The following PRPSAP2 variants were observed in gnomAD, a reference collection of about 807,000 sequenced individuals.
The protein encoded by PRPSAP2 is phosphoribosyl pyrophosphate synthetase associated protein 2, also known as phosphoribosyl pyrophosphate synthase-associated protein 2.
Under a neutral mutation model 40.6 loss-of-function variants are expected in PRPSAP2, and 24 were observed. The observed-to-expected ratio is 0.59, with a 90% confidence interval of 0.43 to 0.83. The LOEUF (loss-of-function observed/expected upper bound fraction) is 0.83. PRPSAP2 is among the 40% of genes least tolerant of loss of function. PRPSAP2 has a pLI of 0.00. For synonymous variants in PRPSAP2, 149 were observed against 164.7 expected, an observed-to-expected ratio of 0.90 and a Z score of 0.73; for missense variants, 292 against 465.6, an observed-to-expected ratio of 0.63 and a Z score of 3.43.
At chr17:18,873,921 A>G (rs745468775) in intron 5 of PRPSAP2, among the ~76,000 whole-genome samples, 5 of 151,062 alleles carry the variant, frequency 3.3e-5, no homozygotes, top group Non-Finnish European at 5.9e-5. Context: ...TCTTTTTTCT[A>G]AGAGGTAGAG....
At chr17:18,876,869 G>A (rs1411944443) in intron 5 of PRPSAP2, among the ~76,000 whole-genome samples, 1 of 152,214 alleles carries the variant, frequency 6.6e-6, no homozygotes, top group Non-Finnish European at 1.5e-5. Flanking sequence ...GGTGTGAGCT[G>A]CTGTGGGAGG....
rs1201159228 is a variant in PRPSAP2, at chr17:18,894,479, C to CTTTTTTTTTT, written c.584+4611_584+4620dup. On this transcript the variant is annotated intron_variant, in intron 8 of 11. Transcript: ENST00000268835. ...CGGCCCTCTGTAGCTTTTCAATAGTCTTTTTTTTTTTTTTTTTTGAGACAG... is the reference window on the plus strand; with the variant it reads ...CGGCCCTCTGTAGCTTTTCAATAGTCTTTTTTTTTTTTTTTTTTTTTTTTTTTTGAGACAG... 6.5e-3 allele frequency among the ~76,000 whole-genome samples: 779 copies of CTTTTTTTTTT among 120,524 alleles called. 53 individuals carry two copies. Among genetic ancestry groups the CTTTTTTTTTT allele is most frequent in the African/African-American group, 0.023 (700 of 30,598 alleles). The allele number at this position is 120,524 out of a possible 152,430, so 79.1% of individuals were successfully genotyped here. A position where few individuals can be genotyped will look rare whatever the true frequency, so the allele number is the denominator to read the frequency against.
At chr17:18,887,726 A>C (rs2039266315) in intron 7 of PRPSAP2, among the ~76,000 whole-genome samples, 1 of 151,920 alleles carries the variant, frequency 6.6e-6, no homozygotes, top group Admixed American at 6.6e-5. Context: ...TTTGTTCTTA[A>C]AGTTGTGTTT....
At chr17:18,902,574 A>T (rs7223173) in intron 8 of PRPSAP2, among the ~76,000 whole-genome samples, 1 of 151,766 alleles carries the variant, frequency 6.6e-6, no homozygotes, top group South Asian at 2.1e-4. Context: ...GTGTTGGCCA[A>T]ATATGATTGA....
At position 18,866,772 on chromosome 17, in the gene PRPSAP2, A is replaced by T. The variant is rs1369573096; in HGVS notation, c.120-510A>T. On this transcript the variant is annotated intron_variant, in intron 3 of 11. Coordinates refer to ENST00000268835, the MANE Select transcript of PRPSAP2 (RefSeq NM_002767.4). ...CAAACAGAAATCAAGTCAACAAAAC[A>T]AACAAGGTAATTTCAGATGATGTCA... Among the ~76,000 whole-genome samples the T allele has an allele frequency of 3.3e-5, 5 of 152,192 alleles. 1 individual carries two copies. Among genetic ancestry groups the T allele is most frequent in the Admixed American group, 3.3e-4 (5 of 15,266 alleles).
chr17:18,865,807 G>T lies in PRPSAP2; in HGVS notation c.-27G>T. The T allele has an allele frequency of 6.9e-7, 1 of 1,445,620 alleles. No individual in the cohort carries two copies. Among genetic ancestry groups the T allele is most frequent in the South Asian group, 1.6e-5 (1 of 62,342 alleles). 89.5% of individuals were successfully genotyped at this position (1,445,620 alleles called of 1,614,324 possible). A position where few individuals can be genotyped will look rare whatever the true frequency, so the allele number is the denominator to read the frequency against. ...TAAGTATTATATCCTTCTAGGCTCT[G>T]AAAATTGGAAAACCAAGAAGGTTTT... is the stretch of plus-strand genomic sequence containing the variant. On this transcript the variant is annotated 5_prime_UTR_variant, in exon 3 of 12. Coordinates refer to ENST00000268835, the MANE Select transcript of PRPSAP2 (RefSeq NM_002767.4).
chr17:18,891,193 A>G (rs970162902), intron 8 of PRPSAP2, among the ~76,000 whole-genome samples: 5 of 152,356 alleles, frequency 3.3e-5, no homozygotes, highest in African/African-American at 9.6e-5. Flanking sequence ...GTGGGCTGGC[A>G]GTATTGAAGG....
chr17:18,929,024 CAG>C (rs1163210390), intron 11 of PRPSAP2, 67 bp downstream of exon 11: 34 of 1,556,296 alleles, frequency 2.2e-5, no homozygotes, highest in South Asian at 3.6e-5. Flanking sequence ...TCTTTAGTTA[CAG>C]AGAGTCAGGA....
intron 8 of PRPSAP2, chr17:18,904,815 C>G (rs1358096489): frequency 2.6e-5 from 4 of 152,162 alleles, no homozygotes; most frequent in Non-Finnish European, 5.9e-5. Flanking sequence ...TTCTTTCTCA[C>G]CCATGATGTA....
chr17:18,894,505 A>T, intron 8 of PRPSAP2, among the ~76,000 whole-genome samples: 1 of 99,370 alleles, frequency 1.0e-5, no homozygotes. Flanking sequence ...TTTGAGACAG[A>T]GTCTTGCTCT....
chr17:18,863,180 C>T (rs946782876), intron 1 of PRPSAP2, among the ~76,000 whole-genome samples: 10 of 151,926 alleles, frequency 6.6e-5, no homozygotes, highest in East Asian at 1.9e-4. Flanking sequence ...ATCGTCCAGG[C>T]AGGAGTGCAG....
At chr17:18,863,206 A>G (rs571702050) in intron 1 of PRPSAP2, among the ~76,000 whole-genome samples, 1 of 152,002 alleles carries the variant, frequency 6.6e-6, no homozygotes, top group Admixed American at 6.6e-5. Flanking sequence ...TGGTGCAATC[A>G]TGGCTCATTG....
At chr17:18,898,444 C>T (rs1049417314) in intron 8 of PRPSAP2, among the ~76,000 whole-genome samples, 14 of 152,136 alleles carry the variant, frequency 9.2e-5, no homozygotes, top group Admixed American at 6.6e-5. Flanking sequence ...AGAGTACCTC[C>T]TTTTGCCGCT....
intron 9 of PRPSAP2, among the ~76,000 whole-genome samples, chr17:18,922,137 G>A (rs1033285446): frequency 3.9e-5 from 6 of 152,186 alleles, no homozygotes; most frequent in Admixed American, 3.9e-4. Flanking sequence ...GTTCATCCAT[G>A]TGATAGCACT....
At chr17:18,868,588 TATAA>T (rs2037604104) in intron 4 of PRPSAP2, among the ~76,000 whole-genome samples, 1 of 152,130 alleles carries the variant, frequency 6.6e-6, no homozygotes, top group African/African-American at 2.4e-5. Flanking sequence ...CTTTCTAAAC[TATAA>T]ATAAACTGTA....
At chr17:18,919,863 G>T (rs1198805739) in intron 9 of PRPSAP2, among the ~76,000 whole-genome samples, 1 of 152,166 alleles carries the variant, frequency 6.6e-6, no homozygotes, top group Non-Finnish European at 1.5e-5. Context: ...TGGGTCTCTT[G>T]GACTTAGTAA....
chr17:18,876,075 G>A (rs1257486749), intron 5 of PRPSAP2, among the ~76,000 whole-genome samples: 2 of 152,198 alleles, frequency 1.3e-5, no homozygotes, highest in African/African-American at 4.8e-5. Flanking sequence ...GGAGGTTGCG[G>A]TGAGCCGAGA....
In PRPSAP2 at chr17:18,926,943, C is replaced by A. The variant is rs542643318; in HGVS notation, c.805-1868C>A. Among the ~76,000 whole-genome samples, 43 of 152,314 alleles carry A rather than the reference C, an allele frequency of 2.8e-4. No individual in the cohort carries two copies. In the South Asian group the frequency reaches 8.7e-3, roughly 31 times the overall value. On this transcript the variant is annotated intron_variant, in intron 10 of 11. Coordinates refer to ENST00000268835, the MANE Select transcript of PRPSAP2 (RefSeq NM_002767.4). ...ACTGACATCCTTCCCACCCAATCTG[C>A]AACCCCTTGTGTCTTTGTCCACTTT...
chr17:18,909,240 CTTT>C (rs71155371), intron 8 of PRPSAP2, among the ~76,000 whole-genome samples: 14 of 95,956 alleles, frequency 1.5e-4, no homozygotes, highest in Non-Finnish European at 1.5e-4. Context: ...ACAGTGTGGC[CTTT>C]TTTTTTTTTT....
Sources: gnomAD v4.1 joint callset for allele counts (sites outside exome capture counted in the v4.1 genomes callset) on GRCh38, gnomAD v4.1.1 for gene constraint, MANE v1.5 for transcripts, NCBI Gene and HGNC (gene_info 2026-07-23, HGNC 2026-07-21) for gene names.